LRCH2: variants seen among roughly 807,000 people sequenced by gnomAD.
LRCH2 encodes the protein leucine rich repeats and calponin homology domain containing 2.
A neutral mutation model predicts 68.9 loss-of-function variants in LRCH2; 38 were observed. The ratio of observed to expected loss-of-function variants is 0.55; its 90% confidence interval spans 0.43 to 0.72. The LOEUF is 0.72. Among genes scored for constraint, LRCH2 ranks in the 30% least tolerant of loss-of-function variants. The pLI is 0.00. For missense variants in LRCH2, 528 were observed against 572.9 expected (o/e 0.92, Z 0.80); for synonymous variants, 191 against 208.1 (o/e 0.92, Z 0.71).
chrX:115,191,035 G>A (rs1298691640), intron 1 of LRCH2: 3 of 1,163,579 alleles, frequency 2.6e-6, no homozygotes, highest in African/African-American at 3.7e-5. Flanking sequence ...CACCCACAGT[G>A]GGGGCCACAG....
Position 115,156,649 on chromosome X carries a change from A to G in LRCH2, c.1482T>C (p.Thr494=), listed in dbSNP as rs1556539837. Residue 494 remains threonine (T), a synonymous_variant, in exon 12 of 21, where the codon ACT becomes ACC. Coordinates refer to ENST00000317135, the MANE Select transcript of LRCH2 (RefSeq NM_020871.4). ...EQKNRILNHS[T]SVMRNKPKQT... ...GTTTTGGCTTGTTTCTCATCACAGA[A>G]GTTGAATGATTAAGAATCCTAGAAG... 4 of 1,132,565 alleles carry G rather than the reference A, an allele frequency of 3.5e-6. No individual in the cohort carries two copies. Among genetic ancestry groups the G allele is most frequent in the Non-Finnish European group, 4.7e-6 (4 of 853,768 alleles). 93.3% of individuals were successfully genotyped at this position (1,132,565 alleles called of 1,213,427 possible).
At chrX:115,143,884 T>C (rs782237491) in intron 14 of LRCH2, among the ~76,000 whole-genome samples, 41 of 112,041 alleles carry the variant, frequency 3.7e-4, no homozygotes, top group Admixed American at 3.5e-3. Context: ...AAAAATCATA[T>C]GACCATTCCA....
At chrX:115,123,646 A>T (rs2072162320) in intron 17 of LRCH2, among the ~76,000 whole-genome samples, 1 of 112,093 alleles carries the variant, frequency 8.9e-6, no homozygotes, top group African/African-American at 3.2e-5. Flanking sequence ...GGAGTGCTAT[A>T]ATTTCAAACA....
At chrX:115,217,138 G>A (rs182210077) in intron 1 of LRCH2, among the ~76,000 whole-genome samples, 1 of 111,414 alleles carries the variant, frequency 9.0e-6, no homozygotes, top group Non-Finnish European at 1.9e-5. Flanking sequence ...TATAATGTAC[G>A]CTATTCGAGT....
chrX:115,128,645 G>A (rs1168287321), intron 15 of LRCH2, among the ~76,000 whole-genome samples: 1 of 112,095 alleles, frequency 8.9e-6, no homozygotes, highest in Non-Finnish European at 1.9e-5. Context: ...CACTGCCACA[G>A]TAATGAAAAA....
intron 14 of LRCH2, among the ~76,000 whole-genome samples, chrX:115,133,766 A>G (rs2072265676): frequency 8.9e-6 from 1 of 111,768 alleles, no homozygotes. Flanking sequence ...CTGCTCCACT[A>G]ACCAGTTGTT....
intron 12 of LRCH2, 61 bp from the exon 13 acceptor site, chrX:115,150,131 T>A (rs1421832850): frequency 2.4e-6 from 2 of 825,011 alleles, no homozygotes; most frequent in Non-Finnish European, 3.3e-6. Context: ...TAAATATATA[T>A]TATGAACCTT....
At chrX:115,141,351 G>A (rs1556534182) in intron 14 of LRCH2, among the ~76,000 whole-genome samples, 2 of 111,548 alleles carry the variant, frequency 1.8e-5, no homozygotes, top group African/African-American at 6.5e-5. Context: ...ACATTTTAGG[G>A]AGACACAAGA....
chrX:115,233,451 A>G (rs1556579037), intron 1 of LRCH2, among the ~76,000 whole-genome samples: 1 of 111,850 alleles, frequency 8.9e-6, no homozygotes, highest in Non-Finnish European at 1.9e-5. Context: ...TGCTTTAACA[A>G]TGATGCTCTT....
At chrX:115,167,433 C>G (rs2072572495) in intron 6 of LRCH2, among the ~76,000 whole-genome samples, 1 of 105,104 alleles carries the variant, frequency 9.5e-6, no homozygotes. Flanking sequence ...ATACAAAGTG[C>G]TATGAGAAAA....
chrX:115,142,578 T>C (rs1289138244), intron 14 of LRCH2, among the ~76,000 whole-genome samples: 2 of 111,543 alleles, frequency 1.8e-5, no homozygotes, highest in Non-Finnish European at 3.8e-5. Context: ...GAATGACCAG[T>C]GGGTCAATGA....
intron 3 of LRCH2, among the ~76,000 whole-genome samples, chrX:115,183,050 G>A (rs978676948): frequency 1.0e-4 from 11 of 108,360 alleles, no homozygotes; most frequent in Non-Finnish European, 1.7e-4. Flanking sequence ...GGACAGTCAC[G>A]CATGCACACG....
chrX:115,133,093 C>A (rs2072259829), intron 14 of LRCH2, among the ~76,000 whole-genome samples: 1 of 111,529 alleles, frequency 9.0e-6, no homozygotes, highest in South Asian at 3.8e-4. Context: ...AGCAAGCAGA[C>A]AAATCATAAT....
intron 20 of LRCH2, among the ~76,000 whole-genome samples, chrX:115,119,104 G>T (rs2072111740): frequency 9.0e-6 from 1 of 110,634 alleles, no homozygotes; most frequent in Non-Finnish European, 1.9e-5. Flanking sequence ...TTTGAAAACT[G>T]GCACAAGACA....
chrX:115,164,490 A>G (rs1419524280), intron 10 of LRCH2, among the ~76,000 whole-genome samples: 2 of 111,662 alleles, frequency 1.8e-5, no homozygotes, highest in Non-Finnish European at 3.8e-5. Context: ...AAAAGAATGA[A>G]ATCTAAACAG....
chrX:115,141,996 A>G (rs1347655752), intron 14 of LRCH2, among the ~76,000 whole-genome samples: 2 of 112,025 alleles, frequency 1.8e-5, no homozygotes, highest in Non-Finnish European at 3.8e-5. Context: ...AATGGAAACC[A>G]AAAAAGAGCA....
chrX:115,205,601 C>A (rs1423991512), intron 1 of LRCH2, among the ~76,000 whole-genome samples: 1 of 111,743 alleles, frequency 8.9e-6, no homozygotes, highest in African/African-American at 3.3e-5. Context: ...GTACTATCTG[C>A]TCAATTTTTT....
At chrX:115,113,367 AT>A in intron 20 of LRCH2, 32 bp from the exon 21 acceptor site, 1 of 1,098,911 alleles carries the variant, frequency 9.1e-7, no homozygotes, top group Non-Finnish European at 1.2e-6. Flanking sequence ...TTGAACATTC[AT>A]TTTTTAGAAG....
At chrX:115,146,902 T>TACACACAC (rs1238704414) in intron 14 of LRCH2, among the ~76,000 whole-genome samples, 91 of 53,872 alleles carry the variant, frequency 1.7e-3, no homozygotes, top group African/African-American at 7.1e-3. Flanking sequence ...ATTTCTTACA[T>TACACACAC]ACATACACAC....
Sources: gnomAD v4.1 joint callset for allele counts (sites outside exome capture counted in the v4.1 genomes callset) on GRCh38, gnomAD v4.1.1 for gene constraint, MANE v1.5 for transcripts, NCBI Gene and HGNC (gene_info 2026-07-23, HGNC 2026-07-21) for gene names.